Variants in JAM3 observed in about 807,000 individuals in gnomAD.
JAM3 encodes junctional adhesion molecule C.
Under a neutral mutation model 39.4 loss-of-function variants are expected in JAM3, and 31 were observed. The ratio of observed to expected loss-of-function variants is 0.79; its 90% CI spans 0.59 to 1.06. The LOEUF (loss-of-function observed/expected upper bound fraction) is 1.06, where lower values mean the gene tolerates loss of function less well. Among genes scored for constraint, JAM3 ranks in the 50% least tolerant of loss-of-function variants. JAM3 has a pLI of 0.00. For missense variants in JAM3, 455 were observed against 391.4 expected, an observed-to-expected ratio of 1.16 and a Z score of -1.37; for synonymous variants, 182 against 148.7, an observed-to-expected ratio of 1.22 and a Z score of -1.63.
chr11:134,085,959 A>G (rs995366027), intron 1 of JAM3, among the ~76,000 whole-genome samples: 3 of 152,132 alleles, frequency 2.0e-5, no homozygotes, highest in Non-Finnish European at 4.4e-5. Flanking sequence ...ATGAGTTTGT[A>G]TGTTTCTTTA....
At chr11:134,126,981 A>G (rs1293000665) in intron 1 of JAM3, among the ~76,000 whole-genome samples, 1 of 152,236 alleles carries the variant, frequency 6.6e-6, no homozygotes, top group Non-Finnish European at 1.5e-5. Flanking sequence ...CATTTGAGAA[A>G]TAAGTGGCTA....
chr11:134,086,416 A>T (rs1021686400), intron 1 of JAM3, among the ~76,000 whole-genome samples: 1 of 146,962 alleles, frequency 6.8e-6, no homozygotes, highest in Non-Finnish European at 1.5e-5. Flanking sequence ...TTTTTTTTTT[A>T]AAGAAAACAA....
At chr11:134,127,076 C>T (rs959202290) in intron 1 of JAM3, among the ~76,000 whole-genome samples, 2 of 152,146 alleles carry the variant, frequency 1.3e-5, no homozygotes, top group Non-Finnish European at 2.9e-5. Flanking sequence ...AACACCAAAG[C>T]GTGTAGTTAA....
At chr11:134,096,437 G>A (rs777925749) in intron 1 of JAM3, among the ~76,000 whole-genome samples, 5 of 152,162 alleles carry the variant, frequency 3.3e-5, no homozygotes, top group East Asian at 3.9e-4. Flanking sequence ...AAACAATAAG[G>A]CAAGGGCTTG....
intron 1 of JAM3, among the ~76,000 whole-genome samples, chr11:134,072,698 TC>T (rs111251072): frequency 0.039 from 5,960 of 152,230 alleles, 413 homozygotes; most frequent in African/African-American, 0.14. Flanking sequence ...GATCACAAGA[TC>T]AGGAGATCAA....
chr11:134,128,826 T>C lies in JAM3; in HGVS notation c.77-11025T>C, dbSNP rs996736618. 3.9e-5 allele frequency among the ~76,000 whole-genome samples: 6 copies of C among 152,264 alleles called. No homozygotes were observed. The South Asian group carries it at 1.0e-3, about 26-fold the overall frequency. Reference sequence around the variant, plus strand: ...TCTTTATAGTGTGAAAATGGACTAATATATTGGAAAATACTATTTTTACAT... The same window carrying C: ...TCTTTATAGTGTGAAAATGGACTAACATATTGGAAAATACTATTTTTACAT... On this transcript the variant is annotated intron_variant, in intron 1 of 8. Transcript: ENST00000299106.
At chr11:134,082,269 A>G (rs940379505) in intron 1 of JAM3, among the ~76,000 whole-genome samples, 1 of 152,268 alleles carries the variant, frequency 6.6e-6, no homozygotes, top group Non-Finnish European at 1.5e-5. Context: ...GCTTTGTCTC[A>G]GATGAGACTT....
chr11:134,084,443 C>T (rs1360093247), intron 1 of JAM3, among the ~76,000 whole-genome samples: 1 of 152,172 alleles, frequency 6.6e-6, no homozygotes, highest in African/African-American at 2.4e-5. Context: ...AAAATACTGA[C>T]TATATATAAA....
rs201224599 is a variant in JAM3 at position 134,149,138 on chromosome 11, C to A, written c.898-8C>A. On this transcript the variant is annotated splice_polypyrimidine_tract_variant and splice_region_variant and intron_variant, in intron 8 of 8. Transcript: ENST00000299106. The stretch of plus-strand genomic sequence containing the variant: ...CTTGATGGCTCTAACTGTGTGTTGG[C>A]TTTGCAGGGCGACTTCAGACACAAG... 6 of 1,614,008 alleles carry A rather than the reference C, an allele frequency of 3.7e-6. No individual in the cohort carries two copies. In the African/African-American group the frequency reaches 8.0e-5, roughly 22 times the overall value.
chr11:134,078,349 A>C (rs896697580), intron 1 of JAM3, among the ~76,000 whole-genome samples: 1 of 152,048 alleles, frequency 6.6e-6, no homozygotes, highest in African/African-American at 2.4e-5. Context: ...CAAACTCCTG[A>C]CCTCAGGTGA....
chr11:134,149,489 T>C lies in JAM3; in HGVS notation c.*308T>C. ...GAGTATTAGGGTGATCTTAAAGAGT[T>C]TGCTCACGTAAACGCCCGTGCTGGG... On this transcript the variant is annotated 3_prime_UTR_variant, in exon 9 of 9. Coordinates refer to ENST00000299106, the MANE Select transcript of JAM3 (RefSeq NM_032801.5). The C allele has an allele frequency of 1.9e-6, 1 of 533,052 alleles. No individual in the cohort carries two copies. Among genetic ancestry groups the C allele is most frequent in the East Asian group, 3.7e-5 (1 of 27,024 alleles). 33.0% of individuals were successfully genotyped at this position (533,052 alleles called of 1,614,324 possible).
chr11:134,084,787 C>A (rs1419545168), intron 1 of JAM3, among the ~76,000 whole-genome samples: 6 of 152,176 alleles, frequency 3.9e-5, no homozygotes, highest in Non-Finnish European at 5.9e-5. Context: ...GCAGTGTGTC[C>A]TCAAATTTTC....
intron 1 of JAM3, among the ~76,000 whole-genome samples, chr11:134,094,142 C>T (rs1244300954): frequency 2.0e-5 from 3 of 147,270 alleles, no homozygotes; most frequent in Admixed American, 6.7e-5. Context: ...TCATGTTCCA[C>T]CTTACATGTC....
Position 134,148,782 on chromosome 11 carries a change from AC to A in JAM3, c.863del (p.Pro288GlnfsTer22), listed in dbSNP as rs1396423552. 1 of 1,614,070 alleles carries A rather than the reference AC, an allele frequency of 6.2e-7. No homozygotes were observed. Among genetic ancestry groups the A allele is most frequent in the Non-Finnish European group, 8.5e-7 (1 of 1,180,032 alleles). ...CTCATAGTTACAAGAACCCAGGGAAACCAGATGGAGTTAACTACATCCGCAC... is the reference window on the plus strand; with the variant it reads ...CTCATAGTTACAAGAACCCAGGGAAACAGATGGAGTTAACTACATCCGCAC... Reference protein sequence around the residue: ...DGESYKNPGKPDGVNYIRTDE... With the variant: ...DGESYKNPGKXDGVNYIRTDE... On this transcript the variant is annotated frameshift_variant, in exon 8 of 9. Coordinates refer to ENST00000299106, the MANE Select transcript of JAM3 (RefSeq NM_032801.5). LOFTEE classifies it high-confidence loss of function.
chr11:134,099,200 CAAAAAA>C (rs1942033237), intron 1 of JAM3, among the ~76,000 whole-genome samples: 1 of 151,222 alleles, frequency 6.6e-6, no homozygotes, highest in African/African-American at 2.5e-5. Flanking sequence ...GACCCTATTT[CAAAAAA>C]TAAAAATAAA....
At chr11:134,104,884 A>G (rs1942152268) in intron 1 of JAM3, among the ~76,000 whole-genome samples, 1 of 152,146 alleles carries the variant, frequency 6.6e-6, no homozygotes, top group African/African-American at 2.4e-5. Flanking sequence ...ACCAAAAAAA[A>G]GCCCAGGGCC....
At chr11:134,111,309 T>G (rs1013746998) in intron 1 of JAM3, among the ~76,000 whole-genome samples, 2 of 151,454 alleles carry the variant, frequency 1.3e-5, no homozygotes, top group African/African-American at 4.9e-5. Flanking sequence ...GCCCTGCTAA[T>G]TTTTTTTGTT....
At chr11:134,116,473 T>A (rs1942435960) in intron 1 of JAM3, among the ~76,000 whole-genome samples, 1 of 152,216 alleles carries the variant, frequency 6.6e-6, no homozygotes, top group Admixed American at 6.5e-5. Flanking sequence ...TATAATCCAA[T>A]AGTATCATAA....
intron 1 of JAM3, among the ~76,000 whole-genome samples, chr11:134,129,945 T>G (rs1321003571): frequency 2.0e-5 from 3 of 151,998 alleles, no homozygotes; most frequent in African/African-American, 4.8e-5. Context: ...GAAGTTGCAG[T>G]GAGCCGAGAT....
Sources: allele counts gnomAD v4.1 joint callset (sites outside exome capture counted in the v4.1 genomes callset), GRCh38; gene constraint gnomAD v4.1.1; transcripts MANE v1.5; gene names NCBI Gene and HGNC (gene_info 2026-07-23, HGNC 2026-07-21).